The following DOCK3 variants were observed in gnomAD, a reference collection of about 807,000 sequenced individuals.
DOCK3 encodes dedicator of cytokinesis 3.
A neutral mutation model predicts 265.6 loss-of-function variants in DOCK3; 60 were observed. The observed-to-expected ratio is 0.23, with a 90% CI of 0.18 to 0.28. The LOEUF (loss-of-function observed/expected upper bound fraction) is 0.28. DOCK3 is among the 10% of genes least tolerant of loss of function. The probability of loss-of-function intolerance (pLI) is 1.00; values close to 1 mark genes in which losing one functional copy is unlikely to be tolerated. For missense variants in DOCK3, 1,981 were observed against 2,594.3 expected (o/e 0.76, Z 5.14); for synonymous variants, 881 against 938.0 (o/e 0.94, Z 1.11).
chr3:50,849,040 T>TTTTTC (rs1370993817), intron 3 of DOCK3, among the ~76,000 whole-genome samples: 1 of 152,158 alleles, frequency 6.6e-6, no homozygotes, highest in African/African-American at 2.4e-5. Flanking sequence ...AAAAACTTTT[T>TTTTTC]TTTTCTTTTC....
chr3:50,777,915 G>A (rs2041697780), intron 1 of DOCK3, among the ~76,000 whole-genome samples: 1 of 151,918 alleles, frequency 6.6e-6, no homozygotes, highest in Non-Finnish European at 1.5e-5. Flanking sequence ...TCTTTCTCTT[G>A]CCTGATTGCT....
chr3:51,354,144 A>G (rs776712995), intron 40 of DOCK3, among the ~76,000 whole-genome samples: 4 of 152,130 alleles, frequency 2.6e-5, no homozygotes, highest in Admixed American at 6.5e-5. Flanking sequence ...CTGAATACCT[A>G]CTGGGCACTG....
intron 3 of DOCK3, among the ~76,000 whole-genome samples, chr3:50,847,402 A>G (rs932162151): frequency 1.3e-5 from 2 of 152,150 alleles, no homozygotes; most frequent in African/African-American, 2.4e-5. Context: ...CATGTGGTCA[A>G]TCTTGGAATA....
At chr3:51,173,412 C>T (rs533072009) in intron 12 of DOCK3, among the ~76,000 whole-genome samples, 5 of 152,186 alleles carry the variant, frequency 3.3e-5, no homozygotes, top group African/African-American at 9.7e-5. Flanking sequence ...CATAAGCCAC[C>T]GTGCCCAGCT....
chr3:51,357,955 T>C lies in DOCK3; in HGVS notation c.4768-6T>C, dbSNP rs770006221. The C allele has an allele frequency of 1.2e-6, 2 of 1,614,018 alleles. No homozygotes were observed. Among genetic ancestry groups the C allele is most frequent in the Non-Finnish European group, 1.7e-6 (2 of 1,179,884 alleles). On this transcript the variant is annotated splice_polypyrimidine_tract_variant and splice_region_variant and intron_variant, in intron 45 of 52. Coordinates refer to ENST00000266037, the MANE Select transcript of DOCK3 (RefSeq NM_004947.5). ...CACAGAGTGGCCTTGTTTGTGACTC[T>C]GATAGGTTCATGTCCTTGGAGTTGG...
chr3:51,014,680 T>C (rs2079084120), intron 5 of DOCK3, among the ~76,000 whole-genome samples: 1 of 152,156 alleles, frequency 6.6e-6, no homozygotes, highest in African/African-American at 2.4e-5. Context: ...TTTTTCTATT[T>C]CTGTGAAGAA....
At position 51,174,401 on chromosome 3, in the gene DOCK3, G is replaced by A. The variant is rs148249272; in HGVS notation, c.1037+13699G>A. Among the ~76,000 whole-genome samples the A allele has an allele frequency of 8.2e-3, 1,247 of 152,226 alleles. 16 individuals are homozygous for A. Among genetic ancestry groups the A allele is most frequent in the African/African-American group, 0.028 (1,173 of 41,510 alleles). The stretch of plus-strand genomic sequence containing the variant: ...TGAGAATCACTTGAACGCAGGAGGC[G>A]AAGGTTGCAGTGAGCTGAGATCATG... On this transcript the variant is annotated intron_variant, in intron 12 of 52. Transcript: ENST00000266037.
At chr3:50,757,885 T>A (rs2040265461) in intron 1 of DOCK3, among the ~76,000 whole-genome samples, 1 of 151,962 alleles carries the variant, frequency 6.6e-6, no homozygotes, top group African/African-American at 2.4e-5. Context: ...TATTGAAAAT[T>A]AATTGGATGG....
chr3:51,326,023 G>A (rs2084083976), intron 32 of DOCK3, among the ~76,000 whole-genome samples: 1 of 149,492 alleles, frequency 6.7e-6, no homozygotes, highest in Non-Finnish European at 1.5e-5. Context: ...TAACAAAACT[G>A]CCCGTTCTGC....
intron 5 of DOCK3, among the ~76,000 whole-genome samples, chr3:51,014,284 T>C (rs1407194957): frequency 6.6e-6 from 1 of 151,904 alleles, no homozygotes; most frequent in East Asian, 1.9e-4. Flanking sequence ...GCTGTTCCTA[T>C]TTGGCCATCT....
chr3:50,908,789 G>A (rs1224385063), intron 4 of DOCK3, among the ~76,000 whole-genome samples: 1 of 151,748 alleles, frequency 6.6e-6, no homozygotes, highest in East Asian at 1.9e-4. Flanking sequence ...TTTCTGTCTC[G>A]ATGATCTAAT....
chr3:50,894,860 C>G (rs1318735947), intron 4 of DOCK3, among the ~76,000 whole-genome samples: 1 of 151,956 alleles, frequency 6.6e-6, no homozygotes, highest in Non-Finnish European at 1.5e-5. Flanking sequence ...AAGCTTTATT[C>G]TTATATATTC....
intron 1 of DOCK3, among the ~76,000 whole-genome samples, chr3:50,703,023 C>T (rs538624183): frequency 6.6e-6 from 1 of 152,174 alleles, no homozygotes; most frequent in African/African-American, 2.4e-5. Flanking sequence ...TCCTTCTATG[C>T]CTGATTTGTT....
intron 4 of DOCK3, among the ~76,000 whole-genome samples, chr3:50,913,830 T>G (rs1269338666): frequency 6.6e-6 from 1 of 152,094 alleles, no homozygotes; most frequent in Admixed American, 6.5e-5. Flanking sequence ...AGGAGTGGTA[T>G]TGGCGATTCA....
At chr3:50,926,893 C>T (rs1164216486) in intron 4 of DOCK3, among the ~76,000 whole-genome samples, 1 of 152,202 alleles carries the variant, frequency 6.6e-6, no homozygotes. Context: ...TGTTCCCTTG[C>T]AGTTTATAGT....
At chr3:50,734,567 C>T (rs2038443112) in intron 1 of DOCK3, among the ~76,000 whole-genome samples, 1 of 149,404 alleles carries the variant, frequency 6.7e-6, no homozygotes, top group South Asian at 2.1e-4. Flanking sequence ...GTCACAAATA[C>T]TCTGAATTTT....
chr3:50,874,043 T>G (rs2047569745), intron 3 of DOCK3, among the ~76,000 whole-genome samples: 1 of 142,022 alleles, frequency 7.0e-6, no homozygotes, highest in Non-Finnish European at 1.5e-5. Context: ...CATGAAGGTG[T>G]TTTTTTTTTT....
intron 4 of DOCK3, among the ~76,000 whole-genome samples, chr3:50,923,411 C>G (rs1255673510): frequency 6.6e-6 from 1 of 152,082 alleles, no homozygotes. Flanking sequence ...ATGGAATTCC[C>G]TCTATATAAT....
At chr3:51,188,520 C>T (rs915689469) in intron 12 of DOCK3, among the ~76,000 whole-genome samples, 2 of 152,176 alleles carry the variant, frequency 1.3e-5, no homozygotes, top group Admixed American at 6.5e-5. Context: ...AACTCTCAAA[C>T]ATTGAATTTT....
Sources: allele counts gnomAD v4.1 joint callset (sites outside exome capture counted in the v4.1 genomes callset), GRCh38; gene constraint gnomAD v4.1.1; transcripts MANE v1.5; gene names NCBI Gene and HGNC (gene_info 2026-07-23, HGNC 2026-07-21).